NRG2: variants seen among roughly 807,000 people sequenced by gnomAD.
NRG2 encodes the protein pro-neuregulin-2, membrane-bound isoform.
NRG2 carries 27 observed loss-of-function variants against 73.9 expected under a neutral mutation model. That is an observed-to-expected ratio of 0.37 (90% confidence interval 0.27 to 0.50). The LOEUF (loss-of-function observed/expected upper bound fraction) is 0.50, where lower values mean the gene tolerates loss of function less well. NRG2 is among the 20% of genes least tolerant of loss of function. The probability of loss-of-function intolerance (pLI) is 0.96; values close to 1 mark genes in which losing one functional copy is unlikely to be tolerated. For missense variants in NRG2, 1,126 were observed against 1,210.1 expected (o/e 0.93, Z 1.03); for synonymous variants, 532 against 541.0 (o/e 0.98, Z 0.23).
At chr5:139,923,356 G>A (rs974020563) in intron 1 of NRG2, among the ~76,000 whole-genome samples, 1 of 152,142 alleles carries the variant, frequency 6.6e-6, no homozygotes, top group African/African-American at 2.4e-5. Context: ...TGTATCTTGC[G>A]CTCTCTAGGA....
intron 1 of NRG2, among the ~76,000 whole-genome samples, chr5:139,937,474 A>G (rs892234708): frequency 1.3e-5 from 2 of 151,584 alleles, no homozygotes; most frequent in African/African-American, 4.8e-5. Flanking sequence ...ATGTAAGTGG[A>G]AAAAAAAAGA....
intron 1 of NRG2, among the ~76,000 whole-genome samples, chr5:139,968,817 C>A (rs552031389): frequency 6.6e-6 from 1 of 152,366 alleles, no homozygotes; most frequent in East Asian, 1.9e-4. Context: ...CTGGTCCTCA[C>A]TGGGGAAGGC....
At chr5:139,926,135 C>T (rs1394756364) in intron 1 of NRG2, among the ~76,000 whole-genome samples, 1 of 152,210 alleles carries the variant, frequency 6.6e-6, no homozygotes. Context: ...AGCAGAAGTA[C>T]CTTTAACACC....
At chr5:139,991,319 C>T (rs903726197) in intron 1 of NRG2, among the ~76,000 whole-genome samples, 3 of 151,870 alleles carry the variant, frequency 2.0e-5, no homozygotes, top group East Asian at 1.9e-4. Flanking sequence ...CAAATGTATC[C>T]GTTTTTCTTT....
At chr5:140,023,596 C>T (rs1489973563) in intron 1 of NRG2, among the ~76,000 whole-genome samples, 1 of 152,228 alleles carries the variant, frequency 6.6e-6, no homozygotes, top group Admixed American at 6.5e-5. Context: ...TATATGATTA[C>T]TAGACCTCCT....
chr5:139,994,327 T>C (rs1580899675), intron 1 of NRG2, among the ~76,000 whole-genome samples: 1 of 152,218 alleles, frequency 6.6e-6, no homozygotes. Flanking sequence ...TTGAGAACAA[T>C]TGCAAACTCT....
At chr5:139,977,210 G>A (rs1043640168) in intron 1 of NRG2, among the ~76,000 whole-genome samples, 2 of 152,058 alleles carry the variant, frequency 1.3e-5, no homozygotes, top group African/African-American at 4.8e-5. Flanking sequence ...GGAACTCTCT[G>A]GCTTATCTTC....
chr5:140,028,554 C>T (rs1760883907), intron 1 of NRG2, among the ~76,000 whole-genome samples: 1 of 152,086 alleles, frequency 6.6e-6, no homozygotes, highest in African/African-American at 2.4e-5. Context: ...TACACATAGA[C>T]CTGATTGAGA....
chr5:139,892,519 C>T (rs1345456362), intron 1 of NRG2, among the ~76,000 whole-genome samples: 9 of 152,120 alleles, frequency 5.9e-5, no homozygotes, highest in South Asian at 4.2e-4. Context: ...ACAGCTCTAA[C>T]GGGACCTCAG....
rs545684321 is a variant in NRG2 at position 139,986,353 on chromosome 5, C to T, written c.700+56017G>A. 2.3e-4 allele frequency among the ~76,000 whole-genome samples: 35 copies of T among 152,172 alleles called. No individual in the cohort carries two copies. The South Asian group carries it at 5.8e-3, about 25-fold the overall frequency. On this transcript the variant is annotated intron_variant, in intron 1 of 9. Transcript: ENST00000361474. The stretch of plus-strand genomic sequence containing the variant: ...TTGCACTAGAGGAAAGGGGCTTTGG[C>T]GTAGGTCAGTCAATGATATAAATTG...
chr5:139,958,535 A>G (rs571798266), intron 1 of NRG2, among the ~76,000 whole-genome samples: 2 of 152,272 alleles, frequency 1.3e-5, no homozygotes, highest in African/African-American at 4.8e-5. Context: ...TGGAAAAAGG[A>G]TATTTTTTGT....
chr5:139,987,869 G>A (rs188207819), intron 1 of NRG2, among the ~76,000 whole-genome samples: 1 of 151,316 alleles, frequency 6.6e-6, no homozygotes, highest in Non-Finnish European at 1.5e-5. Flanking sequence ...CCACCTCCCG[G>A]GTTCACGCCA....
At chr5:139,884,688 G>A (rs1238895872) in intron 2 of NRG2, among the ~76,000 whole-genome samples, 1 of 152,174 alleles carries the variant, frequency 6.6e-6, no homozygotes, top group African/African-American at 2.4e-5. Flanking sequence ...TATAGTAGAA[G>A]CTAGACTAGA....
intron 1 of NRG2, among the ~76,000 whole-genome samples, chr5:140,030,137 C>T (rs141015691): frequency 7.2e-5 from 11 of 152,306 alleles, no homozygotes; most frequent in African/African-American, 2.4e-4. Context: ...CTCCCTCTTA[C>T]AATGACAACA....
chr5:139,862,119 G>A (rs1762184147), intron 5 of NRG2, among the ~76,000 whole-genome samples: 2 of 152,222 alleles, frequency 1.3e-5, no homozygotes, highest in South Asian at 4.1e-4. Context: ...GGCCTGGCTG[G>A]GTATTCCTGA....
rs1451420395 is a variant in NRG2 at position 139,853,865 on chromosome 5, G to C, written c.1293-838C>G. Among the ~76,000 whole-genome samples the C allele has an allele frequency of 6.6e-6, 1 of 152,100 alleles. No homozygotes were observed. The highest frequency in any genetic ancestry group is 2.4e-5 in the African/African-American group (1 of 41,400). On this transcript the variant is annotated intron_variant, in intron 6 of 9. Coordinates refer to ENST00000361474, the MANE Select transcript of NRG2 (RefSeq NM_004883.3). This position sits in a 1 kb window ranked among gnomAD's most constrained non-coding sequence, Gnocchi z 4.1. ...AAGACCTAGTATTCAATAGCATATG[G>C]GGTGACTATAGTCAATAATAATTTA...
At chr5:139,946,443 C>G (rs959408329) in intron 1 of NRG2, among the ~76,000 whole-genome samples, 7 of 151,848 alleles carry the variant, frequency 4.6e-5, no homozygotes, top group Non-Finnish European at 7.4e-5. Context: ...AGTTGGATAC[C>G]TACCTCACAC....
At chr5:139,882,046 G>A (rs377093343) in intron 2 of NRG2, among the ~76,000 whole-genome samples, 4 of 152,136 alleles carry the variant, frequency 2.6e-5, no homozygotes, top group Non-Finnish European at 5.9e-5. Flanking sequence ...GAAGTAACAC[G>A]GTAATTTCTG....
intron 1 of NRG2, among the ~76,000 whole-genome samples, chr5:139,918,473 C>A (rs56081214): frequency 0.016 from 2,474 of 152,252 alleles, 64 homozygotes; most frequent in African/African-American, 0.056. Flanking sequence ...AAACATGCTT[C>A]CAGATAGCTT....
Sources: gnomAD v4.1 joint callset for allele counts (sites outside exome capture counted in the v4.1 genomes callset) on GRCh38, gnomAD v4.1.1 for gene constraint, Gnocchi (gnomAD v3.1) non-coding constraint, MANE v1.5 for transcripts, NCBI Gene and HGNC (gene_info 2026-07-23, HGNC 2026-07-21) for gene names.